Variants in UBR3 observed in about 807,000 individuals in gnomAD.
UBR3 encodes the protein ubiquitin protein ligase E3 component n-recognin 3.
UBR3 carries 85 observed loss-of-function variants against 243.2 expected under a neutral mutation model. The observed-to-expected ratio is 0.35, with a 90% CI of 0.29 to 0.42. The LOEUF (loss-of-function observed/expected upper bound fraction) is 0.42. Ranked by LOEUF, UBR3 falls within the 10% of genes least tolerant of loss-of-function variation. UBR3 has a pLI of 1.00. For missense variants in UBR3, 1,686 were observed against 2,300.8 expected (o/e 0.73, Z 5.47); for synonymous variants, 748 against 799.8 (o/e 0.94, Z 1.09).
chr2:169,972,042 G>T (rs2088178713), intron 24 of UBR3, among the ~76,000 whole-genome samples: 1 of 152,120 alleles, frequency 6.6e-6, no homozygotes, highest in Non-Finnish European at 1.5e-5. Flanking sequence ...GAAGAAAAGA[G>T]AGAAGAATCA....
intron 35 of UBR3, among the ~76,000 whole-genome samples, chr2:170,063,009 T>G (rs920848423): frequency 3.3e-5 from 5 of 152,188 alleles, no homozygotes; most frequent in African/African-American, 1.2e-4. Context: ...TTGAAAGATG[T>G]TAGACAAAAA....
intron 30 of UBR3, 26 bp from the exon 31 acceptor site, chr2:170,029,320 A>G (rs1346087484): frequency 3.8e-6 from 6 of 1,566,800 alleles, no homozygotes; most frequent in Non-Finnish European, 5.2e-6. Context: ...TGAACTTTCT[A>G]ATTACCTTTT....
chr2:169,890,583 A>ATATATATATATATGTATATATG (rs1383269041), intron 5 of UBR3, among the ~76,000 whole-genome samples: 1 of 94,146 alleles, frequency 1.1e-5, no homozygotes, highest in Non-Finnish European at 2.1e-5. Context: ...ATATATATGT[A>ATATATATATATATGTATATATG]TATATATATG....
At chr2:170,077,543 A>C in intron 36 of UBR3, 1 of 719,724 alleles carries the variant, frequency 1.4e-6, no homozygotes, top group East Asian at 2.7e-5. Flanking sequence ...CCAACAAAGC[A>C]GACTTTAGTA....
chr2:169,954,498 C>G (rs2087182116), intron 23 of UBR3, among the ~76,000 whole-genome samples: 1 of 152,028 alleles, frequency 6.6e-6, no homozygotes, highest in Non-Finnish European at 1.5e-5. Context: ...CCGCCTCAGC[C>G]CCACAAAGTG....
intron 6 of UBR3, among the ~76,000 whole-genome samples, chr2:169,892,510 A>G (rs1411799763): frequency 6.6e-6 from 1 of 152,124 alleles, no homozygotes; most frequent in Non-Finnish European, 1.5e-5. Context: ...AAATACCTGA[A>G]CTTTTTTCAC....
chr2:169,952,422 A>C (rs1171241666), intron 23 of UBR3, among the ~76,000 whole-genome samples: 1 of 152,224 alleles, frequency 6.6e-6, no homozygotes, highest in Non-Finnish European at 1.5e-5. Flanking sequence ...ATATATAGTT[A>C]CACTACATCT....
chr2:169,980,591 C>T (rs1252196443), intron 24 of UBR3, among the ~76,000 whole-genome samples: 1 of 151,722 alleles, frequency 6.6e-6, no homozygotes, highest in East Asian at 1.9e-4. Flanking sequence ...CAGGTACAAG[C>T]ACACCCATTG....
At chr2:169,842,603 C>T (rs2082335181) in intron 1 of UBR3, among the ~76,000 whole-genome samples, 2 of 152,140 alleles carry the variant, frequency 1.3e-5, no homozygotes, top group South Asian at 2.1e-4. Context: ...AGCGAGACCA[C>T]GAGCCCGCCA....
At chr2:170,044,775 C>T (rs1209533310) in intron 32 of UBR3, among the ~76,000 whole-genome samples, 1 of 152,146 alleles carries the variant, frequency 6.6e-6, no homozygotes, top group Non-Finnish European at 1.5e-5. Context: ...TGGCCCTCAT[C>T]TCCCTGTGCC....
intron 30 of UBR3, among the ~76,000 whole-genome samples, chr2:170,029,104 A>G (rs568133461): frequency 6.6e-6 from 1 of 152,146 alleles, no homozygotes; most frequent in East Asian, 1.9e-4. Flanking sequence ...GAGATGAGGA[A>G]AACCATTCCT....
At chr2:170,071,828 A>G (rs1248660598) in intron 35 of UBR3, among the ~76,000 whole-genome samples, 1 of 152,196 alleles carries the variant, frequency 6.6e-6, no homozygotes, top group African/African-American at 2.4e-5. Context: ...TGTGCCAAGC[A>G]TTAGGAGGAC....
Position 170,061,080 on chromosome 2 carries a change from G to A in UBR3, c.4787G>A (p.Ser1596Asn), listed in dbSNP as rs144888386. 55 of 1,557,446 alleles carry A rather than the reference G, an allele frequency of 3.5e-5. No individual in the cohort carries two copies. Among genetic ancestry groups the A allele is most frequent in the Non-Finnish European group, 4.3e-5 (50 of 1,159,762 alleles). ...AWKHAGALKK[S>N]TCDAEKSYEV... The stretch of plus-strand genomic sequence containing the variant: ...TAACCAATATTTTAATTTTTTCAGA[G>A]TACATGTGATGCAGAAAAGTCTTAC... The change falls in exon 34 of 39, where the codon AGT (serine) becomes AAT (asparagine). Residue 1596 changes from serine (S) to asparagine (N), a missense_variant and splice_region_variant. By Grantham distance (46) the Ser-to-Asn change is conservative. Transcript: ENST00000272793.
intron 1 of UBR3, among the ~76,000 whole-genome samples, chr2:169,870,706 T>G (rs2105308831): frequency 6.6e-6 from 1 of 152,060 alleles, no homozygotes; most frequent in African/African-American, 2.4e-5. Context: ...CAGGCTGGAG[T>G]GCAGTGGCAC....
intron 19 of UBR3, among the ~76,000 whole-genome samples, chr2:169,938,044 AG>A (rs1397094420): frequency 6.6e-6 from 1 of 152,160 alleles, no homozygotes; most frequent in East Asian, 1.9e-4. Context: ...TCCTCCCCAG[AG>A]ATGAGTTCTG....
In UBR3 at chr2:169,854,985, A is replaced by C. The variant is rs115406320; in HGVS notation, c.546-17251A>C. ...AATGTTTTAGGACCGTGCAGCCTGG[A>C]TTTTTTGAGTCAGTGCTGATTTTGA... On this transcript the variant is annotated intron_variant, in intron 1 of 38. Transcript: ENST00000272793. Among the ~76,000 whole-genome samples, 848 of 152,232 alleles carry C rather than the reference A, an allele frequency of 5.6e-3. 7 individuals are homozygous for C. The highest frequency in any genetic ancestry group is 0.019 in the African/African-American group (800 of 41,542).
chr2:169,912,106 G>A (rs1033876816), intron 10 of UBR3, among the ~76,000 whole-genome samples: 2 of 152,034 alleles, frequency 1.3e-5, no homozygotes, highest in Non-Finnish European at 1.5e-5. Flanking sequence ...TTTTTAAAAA[G>A]GCATATTTAT....
chr2:169,863,407 CAA>C (rs1164889875), intron 1 of UBR3, among the ~76,000 whole-genome samples: 1 of 152,162 alleles, frequency 6.6e-6, no homozygotes, highest in Admixed American at 6.6e-5. Context: ...TGATGTCAAA[CAA>C]AATTTAGAGA....
chr2:170,069,262 T>C (rs1256909938), intron 35 of UBR3, among the ~76,000 whole-genome samples: 1 of 152,106 alleles, frequency 6.6e-6, no homozygotes, highest in South Asian at 2.1e-4. Context: ...TATAACCAAA[T>C]GGGTATTTTT....
Sources: allele counts gnomAD v4.1 joint callset (sites outside exome capture counted in the v4.1 genomes callset), GRCh38; gene constraint gnomAD v4.1.1; transcripts MANE v1.5; gene names NCBI Gene and HGNC (gene_info 2026-07-23, HGNC 2026-07-21).